The following SRGAP2 variants were observed in gnomAD, a reference collection of about 807,000 sequenced individuals.
SRGAP2 encodes the protein SLIT-ROBO Rho GTPase activating protein 2, also known as SLIT-ROBO Rho GTPase-activating protein 2.
Under a neutral mutation model 57.2 loss-of-function variants are expected in SRGAP2, and 15 were observed. The observed-to-expected ratio is 0.26, with a 90% CI of 0.18 to 0.40. SRGAP2 has a LOEUF of 0.40. Ranked by LOEUF, SRGAP2 falls within the 10% of genes least tolerant of loss-of-function variation. The pLI is 1.00. For missense variants in SRGAP2, 520 were observed against 669.6 expected, an observed-to-expected ratio of 0.78 and a Z score of 2.47; for synonymous variants, 249 against 248.0, an observed-to-expected ratio of 1.00 and a Z score of -0.04.
At chr1:206,311,306 A>G (rs1342233803) in intron 3 of SRGAP2, among the ~76,000 whole-genome samples, 47 of 152,158 alleles carry the variant, frequency 3.1e-4, no homozygotes, top group Admixed American at 3.1e-3. Flanking sequence ...TGTAGGAAAG[A>G]CCATGGCCAC....
At position 206,377,430 on chromosome 1, in the gene SRGAP2, A is replaced by G. The variant is rs1571998971; in HGVS notation, c.424-6584A>G. ...TATCCATTAGTAACTTAGAAAGACA[A>G]ACTCAAAGAAAAAGAATTTACTATG... On this transcript the variant is annotated intron_variant, in intron 4 of 22. Coordinates refer to ENST00000573034, the MANE Select transcript of SRGAP2 (RefSeq NM_015326.5). 5.9e-5 allele frequency among the ~76,000 whole-genome samples: 9 copies of G among 151,558 alleles called. No individual in the cohort carries two copies. The South Asian group carries it at 1.9e-3, about 32-fold the overall frequency.
chr1:206,415,385 G>A (rs1190863781), intron 10 of SRGAP2, among the ~76,000 whole-genome samples: 1 of 152,260 alleles, frequency 6.6e-6, no homozygotes, highest in Non-Finnish European at 1.5e-5. Context: ...AGAGAAGGAA[G>A]CTGTTGAGGA....
At position 206,364,254 on chromosome 1, in the gene SRGAP2, T is replaced by C. The variant is rs1354087607; in HGVS notation, c.424-19760T>C. Among the ~76,000 whole-genome samples the C allele has an allele frequency of 5.9e-4, 88 of 150,098 alleles. 6 individuals carry two copies. Among genetic ancestry groups the C allele is most frequent in the Non-Finnish European group, 4.4e-5 (3 of 67,656 alleles). On this transcript the variant is annotated intron_variant, in intron 4 of 22. Coordinates refer to ENST00000573034, the MANE Select transcript of SRGAP2 (RefSeq NM_015326.5). ...TCTGAAATGGGGGGAAATATCACAT[T>C]TTTTATAGATTAACAGGCATCTATA...
chr1:206,241,911 C>CGTGTGTGTGTGTGT (rs781785493), intron 2 of SRGAP2, among the ~76,000 whole-genome samples: 2 of 104,564 alleles, frequency 1.9e-5, no homozygotes, highest in Non-Finnish European at 3.7e-5. Flanking sequence ...GAGGTGTTTG[C>CGTGTGTGTGTGTGT]GTGTGTGTGT....
chr1:206,395,839 A>AG (rs1201538689), intron 7 of SRGAP2, among the ~76,000 whole-genome samples: 2 of 151,590 alleles, frequency 1.3e-5, no homozygotes, highest in African/African-American at 2.4e-5. Context: ...ATTTAAAAAA[A>AG]AAAAAACGTC....
intron 17 of SRGAP2, among the ~76,000 whole-genome samples, chr1:206,445,680 G>A (rs532175086): frequency 2.0e-5 from 3 of 152,198 alleles, no homozygotes; most frequent in Admixed American, 6.5e-5. Flanking sequence ...GAGGGTCCCC[G>A]TCTGCCCTGG....
At chr1:206,453,922 A>T (rs1483057141) in intron 20 of SRGAP2, 2 of 538,204 alleles carry the variant, frequency 3.7e-6, no homozygotes, top group Non-Finnish European at 6.6e-6. Context: ...AGATGGGGGA[A>T]GGAGGGAAAA....
chr1:206,283,495 G>A (rs1271680136), intron 2 of SRGAP2, among the ~76,000 whole-genome samples: 2 of 151,678 alleles, frequency 1.3e-5, no homozygotes, highest in South Asian at 2.1e-4. Flanking sequence ...CCAACATGGT[G>A]TAACCCCATC....
intron 2 of SRGAP2, among the ~76,000 whole-genome samples, chr1:206,263,527 C>A (rs1669696777): frequency 6.6e-6 from 1 of 152,076 alleles, no homozygotes; most frequent in African/African-American, 2.4e-5. Flanking sequence ...GACAGATTGC[C>A]CCTCCCTGAC....
rs532028328 is a variant in SRGAP2 at position 206,427,667 on chromosome 1, G to A, written c.1495-2495G>A. Among the ~76,000 whole-genome samples the A allele has an allele frequency of 1.6e-4, 25 of 152,230 alleles. 1 individual carries two copies. The South Asian group carries it at 4.2e-3, about 25-fold the overall frequency. ...GGGGATCCACGCAGACCTGTCAAAC[G>A]GGCAGAAGCTACACAGACCCATCGC... On this transcript the variant is annotated intron_variant, in intron 13 of 22. Transcript: ENST00000573034.
rs782401561 is a variant in SRGAP2, at chr1:206,383,967, C to G, written c.424-47C>G. The G allele has an allele frequency of 2.5e-5, 35 of 1,427,406 alleles. 2 individuals are homozygous for G. The South Asian group carries it at 4.3e-4, about 18-fold the overall frequency. 88.4% of individuals were successfully genotyped at this position (1,427,406 alleles called of 1,614,324 possible). A position where few individuals can be genotyped will look rare whatever the true frequency, so the allele number is the denominator to read the frequency against. On this transcript the variant is annotated intron_variant, in intron 4 of 22. Transcript: ENST00000573034. ...TGGCTTTTGCCTTTGTTGCTCCCTC[C>G]TCTCTCTTCTGTTTCCCAATTAACC...
At chr1:206,294,843 G>A (rs1413589024) in intron 2 of SRGAP2, among the ~76,000 whole-genome samples, 4 of 151,056 alleles carry the variant, frequency 2.6e-5, no homozygotes, top group Non-Finnish European at 5.9e-5. Context: ...CTCCATTTCT[G>A]GCTGCTTGAG....
chr1:206,213,560 G>C (rs1179733260), intron 2 of SRGAP2, among the ~76,000 whole-genome samples: 2 of 151,710 alleles, frequency 1.3e-5, no homozygotes, highest in East Asian at 3.9e-4. Flanking sequence ...AGGATGGAGT[G>C]AGAAAGAAAA....
rs180741211 is a variant in SRGAP2 at position 206,445,780 on chromosome 1, G to A, written c.1875-295G>A. ...ATGTGGCCTTTGATAGATAAGATCC[G>A]GGGATAGGGATGAGGATGGGGTGGT... On this transcript the variant is annotated intron_variant, in intron 17 of 22. Coordinates refer to ENST00000573034, the MANE Select transcript of SRGAP2 (RefSeq NM_015326.5). Among the ~76,000 whole-genome samples, 9 of 152,268 alleles carry A rather than the reference G, an allele frequency of 5.9e-5. No homozygotes were observed. In the East Asian group the frequency reaches 1.7e-3, roughly 29 times the overall value.
chr1:206,310,359 C>T (rs1571819220), intron 3 of SRGAP2, among the ~76,000 whole-genome samples: 1 of 151,874 alleles, frequency 6.6e-6, no homozygotes, highest in East Asian at 1.9e-4. Context: ...GGTTGAATGT[C>T]TAACTACAGT....
chr1:206,320,802 G>A (rs1258643721), intron 3 of SRGAP2, among the ~76,000 whole-genome samples: 1 of 151,930 alleles, frequency 6.6e-6, no homozygotes. Flanking sequence ...TACTACATTT[G>A]CTTTATACTT....
chr1:206,254,474 GATT>G (rs1392829915), intron 2 of SRGAP2, among the ~76,000 whole-genome samples: 2 of 138,702 alleles, frequency 1.4e-5, no homozygotes, highest in Non-Finnish European at 3.1e-5. Flanking sequence ...TGAGCTCATA[GATT>G]ATTGTTTGCA....
chr1:206,263,491 A>G (rs1259239978), intron 2 of SRGAP2, among the ~76,000 whole-genome samples: 3 of 152,038 alleles, frequency 2.0e-5, no homozygotes, highest in African/African-American at 4.8e-5. Context: ...ACCTCTGTCA[A>G]TCTGAGCTCT....
At chr1:206,414,576 C>G (rs531956260) in intron 10 of SRGAP2, among the ~76,000 whole-genome samples, 97 of 152,126 alleles carry the variant, frequency 6.4e-4, no homozygotes, top group African/African-American at 2.3e-3. Flanking sequence ...GCAGATAGCC[C>G]CTGATCTGGA....
Sources: gnomAD v4.1 joint callset for allele counts (sites outside exome capture counted in the v4.1 genomes callset) on GRCh38, gnomAD v4.1.1 for gene constraint, MANE v1.5 for transcripts, NCBI Gene and HGNC (gene_info 2026-07-23, HGNC 2026-07-21) for gene names.